The following TAF1C variants were observed in gnomAD, a reference collection of about 807,000 sequenced individuals.
The protein encoded by TAF1C is TATA box-binding protein-associated factor RNA polymerase I subunit C.
In TAF1C, 79 loss-of-function variants were observed where a neutral mutation model predicts 70.5. The ratio of observed to expected loss-of-function variants is 1.12; its 90% CI spans 0.93 to 1.35. The LOEUF is 1.35. Ranked by LOEUF, TAF1C falls within the 40% of genes most tolerant of loss-of-function variation. The probability of loss-of-function intolerance (pLI) is 0.00; values close to 1 mark genes in which losing one functional copy is unlikely to be tolerated. For missense variants in TAF1C, 1,412 were observed against 1,127.8 expected, an observed-to-expected ratio of 1.25 and a Z score of -3.61; for synonymous variants, 614 against 491.1, an observed-to-expected ratio of 1.25 and a Z score of -3.31.
intron 1 of TAF1C, chr16:84,185,274 C>A (rs1489284058): frequency 6.5e-6 from 2 of 307,940 alleles, no homozygotes; most frequent in South Asian, 5.1e-5. Context: ...TTGAGCACAG[C>A]CTGAACCTAG....
Position 84,184,902 on chromosome 16 carries a change from G to A in TAF1C, c.87C>T (p.Cys29=), listed in dbSNP as rs373132104. 3.8e-5 allele frequency: 61 copies of A among 1,613,148 alleles called. No homozygotes were observed. The highest frequency in any genetic ancestry group is 5.0e-5 in the Non-Finnish European group (59 of 1,179,682). Residue 29 remains cysteine, a synonymous_variant, in exon 2 of 15, where the codon TGC becomes TGT. Transcript: ENST00000566732. ...GCAGAGTCAGTGCGTCTCGCCAGCT[G>A]CACATGAAAGAGAGGTCAGGGACGT... ...LSDVPDLSFM[C]SWRDALTLPE...
rs1011312083 is a variant in TAF1C, at chr16:84,181,706, C to T, written c.956+40G>A. On this transcript the variant is annotated intron_variant, in intron 9 of 14. Transcript: ENST00000566732. ...ATTCACATCGGGCTGCTCAGCCCTG[C>T]CTCCAGCCCCTCCTCACCGACCAAC... 4.3e-6 allele frequency: 7 copies of T among 1,613,702 alleles called. No homozygotes were observed. The South Asian group carries it at 5.5e-5, about 13-fold the overall frequency.
rs1215841449 is a variant in TAF1C, at chr16:84,181,114, G to A, written c.1237C>T (p.Leu413=). The change falls in exon 12 of 15, where the codon CTG becomes TTG. Residue 413 remains leucine (L), a synonymous_variant. Transcript: ENST00000566732. ...GAGTGCCCCAGGTACTGGGTAAGCA[G>A]GACACGTTCCCCTTTCTGGCACGAA... ...EASCQKGERV[L]LTQYLGHSSP... The A allele has an allele frequency of 6.8e-6, 11 of 1,613,298 alleles. No individual in the cohort carries two copies. Among genetic ancestry groups the A allele is most frequent in the South Asian group, 3.3e-5 (3 of 91,068 alleles).
chr16:84,184,848 C>T lies in TAF1C; in HGVS notation c.138+3G>A, dbSNP rs770872056. 4.4e-5 allele frequency: 71 copies of T among 1,599,976 alleles called. No individual in the cohort carries two copies. Among genetic ancestry groups the T allele is most frequent in the Non-Finnish European group, 5.8e-5 (68 of 1,173,560 alleles). ...TGCCAGGGCCCCCTGCCTGCATCCT[C>T]ACCTCTGAGTTCTGGGGCTGGGCCT... On this transcript the variant is annotated splice_donor_region_variant and intron_variant, in intron 2 of 14. Transcript: ENST00000566732.
rs1235572106 is a variant in TAF1C at position 84,181,444 on chromosome 16, C to G, written c.1048G>C (p.Asp350His). The G allele has an allele frequency of 8.1e-6, 13 of 1,613,784 alleles. No individual in the cohort carries two copies. The highest frequency in any genetic ancestry group is 1.0e-5 in the Non-Finnish European group (12 of 1,179,982). Residue 350 changes from aspartate (D) to histidine (H), a missense_variant, in exon 11 of 15, where the codon GAC becomes CAC. Asp to His is a moderately conservative substitution (Grantham distance 81). Transcript: ENST00000566732. Reference sequence around the variant, plus strand: ...TCCCGGAACACGAGGGTCTCAGGGTCCCTGTAGATTTGCCGCAGCCTTGGG... The same window carrying G: ...TCCCGGAACACGAGGGTCTCAGGGTGCCTGTAGATTTGCCGCAGCCTTGGG... ...PEDGLRQIYR[D>H]PETLVFRDSS...
At chr16:84,180,108 C>A (rs1286642467) in intron 13 of TAF1C, 25 bp from the exon 14 acceptor site, 3 of 1,579,790 alleles carry the variant, frequency 1.9e-6, no homozygotes, top group South Asian at 1.2e-5. Flanking sequence ...ACAGCTGAGG[C>A]CCTGTCCAGG....
At position 84,177,949 on chromosome 16, in the gene TAF1C, T is replaced by C. The variant is rs572998376; in HGVS notation, c.*992A>G. The C allele has an allele frequency of 1.5e-4, 143 of 930,478 alleles. No homozygotes were observed. The highest frequency in any genetic ancestry group is 2.3e-4 in the Non-Finnish European group (134 of 582,404). The allele number at this position is 930,478 out of a possible 1,614,324, so 57.6% of individuals were successfully genotyped here. A position where few individuals can be genotyped will look rare whatever the true frequency, so the allele number is the denominator to read the frequency against. ...GTCAGTGTATGATTGGGCTAGCTCC[T>C]GTTTGTGTGAGTCACATGCAATTCC... On this transcript the variant is annotated 3_prime_UTR_variant, in exon 15 of 15. Transcript: ENST00000566732.
chr16:84,183,117 C>T lies in TAF1C; in HGVS notation c.441G>A (p.Val147=). The T allele has an allele frequency of 6.2e-7, 1 of 1,614,152 alleles. No individual in the cohort carries two copies. Among genetic ancestry groups the T allele is most frequent in the Non-Finnish European group, 8.5e-7 (1 of 1,180,036 alleles). ...CACCGAGGTCCTGGAGCAGCTTCTT[C>T]ACACTGACCACTGTCTTCTTCTTAG... is the stretch of plus-strand genomic sequence containing the variant. ...SRTKKKTVVS[V]KKLLQDLGGH... Residue 147 remains valine, a synonymous_variant, in exon 6 of 15, where the codon GTG becomes GTA. Transcript: ENST00000566732.
chr16:84,185,214 C>T (rs1229542627), intron 1 of TAF1C, 154 bp from the exon 2 acceptor site: 4 of 447,926 alleles, frequency 8.9e-6, no homozygotes, highest in African/African-American at 6.0e-5. Context: ...GGGCTGAGGG[C>T]GTGGTTTCAG....
At chr16:84,181,703 C>T (rs1341994861) in intron 9 of TAF1C, 40 bp from the exon 10 acceptor site, 5 of 1,613,796 alleles carry the variant, frequency 3.1e-6, no homozygotes, top group Non-Finnish European at 4.2e-6. Context: ...CTGCTCAGCC[C>T]TGCCTCCAGC....
chr16:84,181,713 C>T (rs376221470), intron 9 of TAF1C, 33 bp downstream of exon 9: 58 of 1,613,738 alleles, frequency 3.6e-5, no homozygotes, highest in Non-Finnish European at 4.4e-5. Context: ...CTGCCTCCAG[C>T]CCCTCCTCAC....
chr16:84,179,649 G>A lies in TAF1C; in HGVS notation c.1824C>T (p.Ala608=), dbSNP rs145273391. ...GGGCCTTCAGCCACTGGCTGCAGCC[G>A]GCAGTGTCCTGGGAGGTCCAGGAAG... ...PTASWTSQDT[A]GCSQWLKALL... The change falls in exon 15 of 15, where the codon GCC becomes GCT. Residue 608 remains alanine (A), a synonymous_variant. Transcript: ENST00000566732. 130 of 1,612,534 alleles carry A rather than the reference G, an allele frequency of 8.1e-5. No individual in the cohort carries two copies. The African/African-American group carries it at 1.2e-3, about 15-fold the overall frequency.
At chr16:84,181,490 A>T in intron 10 of TAF1C, 27 bp from the exon 11 acceptor site, 1 of 1,613,652 alleles carries the variant, frequency 6.2e-7, no homozygotes. Context: ...AGCCGTGGGC[A>T]GGGGGACAGG....
rs555503482 is a variant in TAF1C at position 84,186,929 on chromosome 16, G to C, written c.-101C>G. On this transcript the variant is annotated 5_prime_UTR_variant, in exon 1 of 15. Coordinates refer to ENST00000566732, the MANE Select transcript of TAF1C (RefSeq NM_001243156.2). The stretch of plus-strand genomic sequence containing the variant: ...ACCCCGGCCTCGTCGTGGTCGTCTG[G>C]AAAATGGGCCTCGGCGTGATGCTCG... The C allele has an allele frequency of 2.1e-4, 32 of 152,372 alleles. No homozygotes were observed. The highest frequency in any genetic ancestry group is 5.9e-5 in the Non-Finnish European group (4 of 68,036). 9.4% of individuals were successfully genotyped at this position (152,372 alleles called of 1,614,324 possible).
Position 84,185,032 on chromosome 16 carries a change from C to G in TAF1C, c.-44G>C. The G allele has an allele frequency of 6.3e-7, 1 of 1,593,620 alleles. No individual in the cohort carries two copies. The highest frequency in any genetic ancestry group is 8.6e-7 in the Non-Finnish European group (1 of 1,168,610). On this transcript the variant is annotated 5_prime_UTR_variant, in exon 2 of 15. Transcript: ENST00000566732. ...GCACCACACTGGCCACCTCGAGAGA[C>G]TGGAAGCTGGTAAGGGGCGCCAGAG...
chr16:84,187,008 C>T lies in TAF1C; in HGVS notation c.-180G>A, dbSNP rs956176683. 6.6e-6 allele frequency: 1 copy of T among 152,146 alleles called. No homozygotes were observed. Among genetic ancestry groups the T allele is most frequent in the Admixed American group, 6.5e-5 (1 of 15,282 alleles). 9.4% of individuals were successfully genotyped at this position (152,146 alleles called of 1,614,324 possible). Reference sequence around the variant, plus strand: ...CAAGTAGAACCCCAGCTTTGGCACTCGGGACGGGTCAGCCCCGCCGCAGCT... The same window carrying T: ...CAAGTAGAACCCCAGCTTTGGCACTTGGGACGGGTCAGCCCCGCCGCAGCT... On this transcript the variant is annotated 5_prime_UTR_variant, in exon 1 of 15. Coordinates refer to ENST00000566732, the MANE Select transcript of TAF1C (RefSeq NM_001243156.2).
Position 84,181,785 on chromosome 16 carries a change from G to C in TAF1C, c.917C>G (p.Ala306Gly), listed in dbSNP as rs775914696. The C allele has an allele frequency of 6.2e-7, 1 of 1,614,082 alleles. No homozygotes were observed. The highest frequency in any genetic ancestry group is 8.5e-7 in the Non-Finnish European group (1 of 1,179,996). Residue 306 changes from alanine (A) to glycine (G), a missense_variant, in exon 9 of 15, where the codon GCA becomes GGA. By Grantham distance (60) the Ala-to-Gly change is moderately conservative (BLOSUM62 0). Coordinates refer to ENST00000566732, the MANE Select transcript of TAF1C (RefSeq NM_001243156.2). ...CGTGGCCCCTTTCTCCACCTGCATT[G>C]CCTGCAGAAGGGTTGGCTGCCACTG... The part of the protein sequence containing the change: ...GKQWQPTLLQ[A>G]MQVEKGATGI...
At chr16:84,185,505 C>G (rs2089432719) in intron 1 of TAF1C, 1 of 152,506 alleles carries the variant, frequency 6.6e-6, no homozygotes, top group South Asian at 2.1e-4. Context: ...CCCCAAGACG[C>G]TCAAGTTACT....
In TAF1C at chr16:84,183,341, G is replaced by C; in HGVS notation, c.319-8C>G. On this transcript the variant is annotated splice_region_variant and splice_polypyrimidine_tract_variant and intron_variant, in intron 4 of 14. Transcript: ENST00000566732. The stretch of plus-strand genomic sequence containing the variant: ...CAAGAGGAACCGGCTGATCTGGGGA[G>C]AAGAGGAGGCCAGGTCACTAAGCAC... 1 of 1,613,962 alleles carries C rather than the reference G, an allele frequency of 6.2e-7. No individual in the cohort carries two copies. The highest frequency in any genetic ancestry group is 8.5e-7 in the Non-Finnish European group (1 of 1,180,034).
Sources: allele counts gnomAD v4.1 joint callset, GRCh38; gene constraint gnomAD v4.1.1; transcripts MANE v1.5; gene names NCBI Gene and HGNC (gene_info 2026-07-23, HGNC 2026-07-21).